Variants in GPR78 observed in about 807,000 individuals in gnomAD.
GPR78 encodes G protein-coupled receptor 78.
A neutral mutation model predicts 17.9 loss-of-function variants in GPR78; 29 were observed. That is an observed-to-expected ratio of 1.62 (90% CI 1.20 to 2.21). The LOEUF is 2.21. GPR78 is among the 30% of genes most tolerant of loss of function. The pLI is 0.00. For synonymous variants in GPR78, 349 were observed against 256.9 expected, an observed-to-expected ratio of 1.36 and a Z score of -3.43; for missense variants, 649 against 530.5, an observed-to-expected ratio of 1.22 and a Z score of -2.19.
At position 8,580,875 on chromosome 4, in the gene GPR78, C is replaced by A; in HGVS notation, c.-108C>A. Reference sequence around the variant, plus strand: ...CCTTGCTAGCCGGCTCTGCACCTCCCAGAAGCCGTGGGCGCGCCGCTCAGC... The same window carrying A: ...CCTTGCTAGCCGGCTCTGCACCTCCAAGAAGCCGTGGGCGCGCCGCTCAGC... On this transcript the variant is annotated 5_prime_UTR_variant, in exon 1 of 3. Transcript: ENST00000382487. The A allele has an allele frequency of 8.9e-7, 1 of 1,119,640 alleles. No homozygotes were observed. The highest frequency in any genetic ancestry group is 1.2e-6 in the Non-Finnish European group (1 of 810,830). The allele number at this position is 1,119,640 out of a possible 1,614,324, so 69.4% of individuals were successfully genotyped here. A position where few individuals can be genotyped will look rare whatever the true frequency, so the allele number is the denominator to read the frequency against.
At position 8,589,564 on chromosome 4, in the gene GPR78, C is replaced by T. The variant is rs1240772134; in HGVS notation, c.*2201C>T. On this transcript the variant is annotated 3_prime_UTR_variant, in exon 3 of 3. Coordinates refer to ENST00000382487, the MANE Select transcript of GPR78 (RefSeq NM_080819.5). Reference sequence around the variant, plus strand: ...AGTTCTGGAGCCCAGGCTGTGAGCTCCTTGGCTGAGCCCTCTCCTGTCCCT... The same window carrying T: ...AGTTCTGGAGCCCAGGCTGTGAGCTTCTTGGCTGAGCCCTCTCCTGTCCCT... Among the ~76,000 whole-genome samples the T allele has an allele frequency of 1.3e-5, 2 of 152,250 alleles. No individual in the cohort carries two copies. Among genetic ancestry groups the T allele is most frequent in the Non-Finnish European group, 2.9e-5 (2 of 68,048 alleles).
At position 8,588,572 on chromosome 4, in the gene GPR78, G is replaced by GC. The variant is rs1713610142; in HGVS notation, c.*1212dup. Among the ~76,000 whole-genome samples the GC allele has an allele frequency of 6.6e-6, 1 of 152,192 alleles. No homozygotes were observed. Among genetic ancestry groups the GC allele is most frequent in the Non-Finnish European group, 1.5e-5 (1 of 68,028 alleles). The stretch of plus-strand genomic sequence containing the variant: ...CTCTGTCATTGCTGTTTTCTTCAAG[G>GC]CCCAGGGCCATCCCCTGCAGAGGTA... On this transcript the variant is annotated 3_prime_UTR_variant, in exon 3 of 3. Transcript: ENST00000382487.
chr4:8,586,832 C>T (rs905306972), intron 2 of GPR78, among the ~76,000 whole-genome samples: 6 of 152,268 alleles, frequency 3.9e-5, no homozygotes, highest in African/African-American at 7.2e-5. Context: ...GTGTGGTATG[C>T]GGGCTGATGT....
At position 8,588,531 on chromosome 4, in the gene GPR78, C is replaced by T. The variant is rs573842034; in HGVS notation, c.*1168C>T. On this transcript the variant is annotated 3_prime_UTR_variant, in exon 3 of 3. Coordinates refer to ENST00000382487, the MANE Select transcript of GPR78 (RefSeq NM_080819.5). ...GAGTGAGCGAGTGAATGAATGGACA[C>T]GATTCTCTCTTCAGCCTCTGTCATT... 7.8e-4 allele frequency among the ~76,000 whole-genome samples: 119 copies of T among 152,338 alleles called. No individual in the cohort carries two copies. Among genetic ancestry groups the T allele is most frequent in the South Asian group, 3.3e-3 (16 of 4,830 alleles).
In GPR78 at chr4:8,587,163, C is replaced by A. The variant is rs568063709; in HGVS notation, c.892C>A (p.Arg298Ser). The change falls in exon 3 of 3, where the codon CGC becomes AGC. Residue 298 changes from arginine (R) to serine (S), a missense_variant. Arg to Ser is a moderately radical substitution (Grantham distance 110). Transcript: ENST00000382487. ...CGACCCGTTCACGTACTCTCTGCTC[C>A]GCCGGCCGTTCCGCCAAGTCCTGGC... ...VADPFTYSLL[R>S]RPFRQVLAGM... 1 of 1,613,088 alleles carries A rather than the reference C, an allele frequency of 6.2e-7. No individual in the cohort carries two copies. The highest frequency in any genetic ancestry group is 1.3e-5 in the African/African-American group (1 of 74,924).
chr4:8,582,423 C>T, intron 1 of GPR78, 108 bp from the exon 2 acceptor site: 1 of 705,002 alleles, frequency 1.4e-6, no homozygotes, highest in Non-Finnish European at 2.5e-6. Flanking sequence ...CCAGGCTAAA[C>T]ATCCTCCTGA....
At position 8,581,109 on chromosome 4, in the gene GPR78, GTCC is replaced by G. The variant is rs1198048191; in HGVS notation, c.132_134del (p.Leu45del). 8.1e-6 allele frequency: 13 copies of G among 1,606,258 alleles called. No individual in the cohort carries two copies. Among genetic ancestry groups the G allele is most frequent in the Admixed American group, 3.3e-5 (2 of 59,946 alleles). ...TGAGCTCCGCACTCGAGCCTCAGGC[GTCC>G]TCCTGGTGAATCTGTCTCTGGGCCA... On this transcript the variant is annotated inframe_deletion, in exon 1 of 3. Coordinates refer to ENST00000382487, the MANE Select transcript of GPR78 (RefSeq NM_080819.5).
chr4:8,586,727 G>C (rs3115389), intron 2 of GPR78, among the ~76,000 whole-genome samples: 122,842 of 152,084 alleles, frequency 0.81, 50,592 homozygotes, highest in East Asian at 0.95. Context: ...TCCGCGGCAG[G>C]TGTACGTGCA....
In GPR78 at chr4:8,581,393, C is replaced by T; in HGVS notation, c.411C>T (p.Phe137=). 2 of 1,585,662 alleles carry T rather than the reference C, an allele frequency of 1.3e-6. No homozygotes were observed. The highest frequency in any genetic ancestry group is 2.2e-5 in the South Asian group (2 of 89,554). ...LGCAWGQSLA[F]SGAALGCSWL... is the part of the protein sequence containing the mutation. ...GTGCCTGGGGACAGTCGCTGGCCTT[C>T]TCAGGCGCTGCACTTGGCTGCTCGT... Residue 137 remains phenylalanine (F), a synonymous_variant, in exon 1 of 3, where the codon TTC becomes TTT. Transcript: ENST00000382487.
chr4:8,583,512 T>C lies in GPR78; in HGVS notation c.782+868T>C, dbSNP rs914146706. Among the ~76,000 whole-genome samples, 3 of 152,114 alleles carry C rather than the reference T, an allele frequency of 2.0e-5. No homozygotes were observed. In the East Asian group the frequency reaches 5.8e-4, roughly 29 times the overall value. On this transcript the variant is annotated intron_variant, in intron 2 of 2. Coordinates refer to ENST00000382487, the MANE Select transcript of GPR78 (RefSeq NM_080819.5). Reference sequence around the variant, plus strand: ...TCCTGGGAGGGGTCCATGGCCCTCATCCTCAAGGGGCCCAGGTCCCCACCC... The same window carrying C: ...TCCTGGGAGGGGTCCATGGCCCTCACCCTCAAGGGGCCCAGGTCCCCACCC...
chr4:8,586,661 G>T (rs1285506088), intron 2 of GPR78, among the ~76,000 whole-genome samples: 3 of 152,218 alleles, frequency 2.0e-5, no homozygotes, highest in Non-Finnish European at 4.4e-5. Context: ...GGGTGTGTTG[G>T]TCTGCAGCCT....
chr4:8,588,036 C>T lies in GPR78; in HGVS notation c.*673C>T, dbSNP rs971392900. On this transcript the variant is annotated 3_prime_UTR_variant, in exon 3 of 3. Transcript: ENST00000382487. ...CAGATGGAGCCTGTCTCCTGCCTTCCTTTCCATGGTTTGCCAGGGGTTTGG... is the reference window on the plus strand; with the variant it reads ...CAGATGGAGCCTGTCTCCTGCCTTCTTTTCCATGGTTTGCCAGGGGTTTGG... 2.0e-5 allele frequency among the ~76,000 whole-genome samples: 3 copies of T among 152,248 alleles called. No homozygotes were observed. Among genetic ancestry groups the T allele is most frequent in the African/African-American group, 7.2e-5 (3 of 41,472 alleles).
In GPR78 at chr4:8,587,133, G is replaced by C. The variant is rs758036147; in HGVS notation, c.862G>C (p.Val288Leu). 7.2e-5 allele frequency: 116 copies of C among 1,613,408 alleles called. No individual in the cohort carries two copies. The highest frequency in any genetic ancestry group is 9.8e-5 in the Non-Finnish European group (116 of 1,180,002). The change falls in exon 3 of 3, where the codon GTG becomes CTG. Residue 288 changes from valine to leucine, a missense_variant. Physicochemically the swap from Val to Leu is conservative, Grantham distance 32. Coordinates refer to ENST00000382487, the MANE Select transcript of GPR78 (RefSeq NM_080819.5). ...CAAGTGCCTGACCTACAGCAAGGCG[G>C]TGGCCGACCCGTTCACGTACTCTCT... ...LSKCLTYSKA[V>L]ADPFTYSLLR...
intron 2 of GPR78, among the ~76,000 whole-genome samples, chr4:8,586,015 C>G (rs1354814713): frequency 1.3e-5 from 2 of 152,190 alleles, no homozygotes; most frequent in Admixed American, 6.5e-5. Flanking sequence ...TGGGGGAAAG[C>G]CCTGGCCTTT....
At chr4:8,586,098 G>A (rs939353754) in intron 2 of GPR78, among the ~76,000 whole-genome samples, 1 of 152,210 alleles carries the variant, frequency 6.6e-6, no homozygotes, top group African/African-American at 2.4e-5. Flanking sequence ...GCTTGTGACA[G>A]CTGTCAGAAG....
rs1198193766 is a variant in GPR78 at position 8,588,458 on chromosome 4, A to C, written c.*1095A>C. 6.6e-6 allele frequency among the ~76,000 whole-genome samples: 1 copy of C among 152,248 alleles called. No homozygotes were observed. The highest frequency in any genetic ancestry group is 2.4e-5 in the African/African-American group (1 of 41,476). ...CTGTCCTATTTCACAGCTCAGGGAA[A>C]GGTGCACAGTGCACACGGGCACCCG... is the stretch of plus-strand genomic sequence containing the variant. On this transcript the variant is annotated 3_prime_UTR_variant, in exon 3 of 3. Transcript: ENST00000382487.
intron 2 of GPR78, among the ~76,000 whole-genome samples, chr4:8,585,818 G>A (rs1458181182): frequency 6.6e-6 from 1 of 152,164 alleles, no homozygotes; most frequent in Non-Finnish European, 1.5e-5. Flanking sequence ...CATCCCGCCG[G>A]ACTGGGTGCC....
rs538232503 is a variant in GPR78, at chr4:8,580,590, C to G, written c.-393C>G. The G allele has an allele frequency of 1.4e-5, 3 of 221,016 alleles. No individual in the cohort carries two copies. Among genetic ancestry groups the G allele is most frequent in the African/African-American group, 4.6e-5 (2 of 43,338 alleles). The allele number at this position is 221,016 out of a possible 1,614,324, so 13.7% of individuals were successfully genotyped here. A position where few individuals can be genotyped will look rare whatever the true frequency, so the allele number is the denominator to read the frequency against. On this transcript the variant is annotated 5_prime_UTR_variant, in exon 1 of 3. Coordinates refer to ENST00000382487, the MANE Select transcript of GPR78 (RefSeq NM_080819.5). ...CAGAAGCGCGCAGAGTCCCATCCTG[C>G]CACGCCACGAGGAGAGAAGAAGGAA... is the stretch of plus-strand genomic sequence containing the variant.
intron 1 of GPR78, 114 bp downstream of exon 1, chr4:8,581,764 G>C (rs1713301444): frequency 1.3e-6 from 1 of 751,920 alleles, no homozygotes; most frequent in South Asian, 2.1e-5. Context: ...GAGTTCACCA[G>C]CCACAGCACT....
Sources: gnomAD v4.1 joint callset for allele counts (sites outside exome capture counted in the v4.1 genomes callset) on GRCh38, gnomAD v4.1.1 for gene constraint, MANE v1.5 for transcripts, NCBI Gene and HGNC (gene_info 2026-07-23, HGNC 2026-07-21) for gene names.